The following DLG2 variants were observed in gnomAD, a reference collection of about 807,000 sequenced individuals.
DLG2 encodes discs large MAGUK scaffold protein 2, also known as disks large homolog 2.
DLG2 carries 45 observed loss-of-function variants against 132.5 expected under a neutral mutation model. The observed-to-expected ratio is 0.34, with a 90% CI of 0.27 to 0.44. The LOEUF is 0.44. Ranked by LOEUF, DLG2 falls within the 20% of genes least tolerant of loss-of-function variation. The pLI is 1.00. For missense variants in DLG2, 1,045 were observed against 1,196.9 expected, an observed-to-expected ratio of 0.87 and a Z score of 1.87; for synonymous variants, 424 against 419.6, an observed-to-expected ratio of 1.01 and a Z score of -0.13.
At chr11:85,189,029 A>C (rs763750844) in intron 4 of DLG2, among the ~76,000 whole-genome samples, 2 of 152,080 alleles carry the variant, frequency 1.3e-5, no homozygotes, top group Non-Finnish European at 2.9e-5. Flanking sequence ...AGCAATATCC[A>C]TCTAAATACA....
intron 7 of DLG2, among the ~76,000 whole-genome samples, chr11:84,396,408 ATTGTTT>A (rs1453175461): frequency 6.6e-6 from 1 of 152,328 alleles, no homozygotes; most frequent in South Asian, 2.1e-4. Context: ...ATATGGTGCA[ATTGTTT>A]TTGTTTTTGT....
intron 6 of DLG2, among the ~76,000 whole-genome samples, chr11:85,009,845 G>T (rs1480493787): frequency 6.6e-6 from 1 of 152,048 alleles, no homozygotes; most frequent in Non-Finnish European, 1.5e-5. Flanking sequence ...AATACATATT[G>T]CTTACCAGAT....
At chr11:84,299,316 T>C (rs1368382241) in intron 7 of DLG2, among the ~76,000 whole-genome samples, 1 of 152,212 alleles carries the variant, frequency 6.6e-6, no homozygotes, top group East Asian at 1.9e-4. Context: ...GGCAGCAATA[T>C]TCATAATGGA....
chr11:84,476,888 C>G (rs1351659501), intron 7 of DLG2, among the ~76,000 whole-genome samples: 1 of 152,154 alleles, frequency 6.6e-6, no homozygotes, highest in Non-Finnish European at 1.5e-5. Context: ...CATATCATCC[C>G]TGCTGTGTCT....
At chr11:83,845,632 C>T (rs1232393398) in intron 16 of DLG2, among the ~76,000 whole-genome samples, 1 of 152,122 alleles carries the variant, frequency 6.6e-6, no homozygotes, top group African/African-American at 2.4e-5. Context: ...CTGACTTCAG[C>T]AAAATAATAA....
rs961887489 is a variant in DLG2 at position 84,837,092 on chromosome 11, T to C, written c.357+274569A>G. Among the ~76,000 whole-genome samples, 8 of 151,946 alleles carry C rather than the reference T, an allele frequency of 5.3e-5. No homozygotes were observed. The Middle Eastern group carries it at 0.01, about 194-fold the overall frequency. ...GTTCTCATTGTTCAATTCCCACCTATGAGTGAGAACATATAACATATACTT... is the reference window on the plus strand; with the variant it reads ...GTTCTCATTGTTCAATTCCCACCTACGAGTGAGAACATATAACATATACTT... On this transcript the variant is annotated intron_variant, in intron 6 of 27. Coordinates refer to ENST00000376104, the MANE Select transcript of DLG2 (RefSeq NM_001142699.3).
At chr11:83,565,127 A>C (rs1345602215) in intron 19 of DLG2, among the ~76,000 whole-genome samples, 1 of 152,152 alleles carries the variant, frequency 6.6e-6, no homozygotes, top group Non-Finnish European at 1.5e-5. Flanking sequence ...GTATTTCTAT[A>C]ATTTGACTTT....
At chr11:84,868,114 T>G (rs982403614) in intron 6 of DLG2, among the ~76,000 whole-genome samples, 1 of 147,950 alleles carries the variant, frequency 6.8e-6, no homozygotes, top group Non-Finnish European at 1.5e-5. Context: ...TTATTATATA[T>G]TAATAATTAT....
chr11:84,270,840 G>A (rs539322178), intron 7 of DLG2, among the ~76,000 whole-genome samples: 21 of 152,250 alleles, frequency 1.4e-4, no homozygotes, highest in African/African-American at 4.8e-4. Context: ...ATTTAAAAGA[G>A]AACAAGGTTT....
At chr11:85,201,766 C>T (rs970517023) in intron 4 of DLG2, among the ~76,000 whole-genome samples, 1 of 152,156 alleles carries the variant, frequency 6.6e-6, no homozygotes, top group Non-Finnish European at 1.5e-5. Context: ...TAGAGACCAA[C>T]CCTAAAGTGA....
intron 3 of DLG2, among the ~76,000 whole-genome samples, chr11:85,423,681 T>C (rs1346874956): frequency 1.3e-5 from 2 of 152,108 alleles, no homozygotes; most frequent in Non-Finnish European, 2.9e-5. Context: ...CTGTCTCTAC[T>C]GTGCTATGCA....
At chr11:85,305,358 C>G (rs1219384122) in intron 3 of DLG2, among the ~76,000 whole-genome samples, 2 of 152,150 alleles carry the variant, frequency 1.3e-5, no homozygotes, top group Admixed American at 6.5e-5. Flanking sequence ...TTCTCTTTAC[C>G]ATAGCCTGTG....
chr11:83,986,302 A>G (rs2093304444), intron 11 of DLG2, among the ~76,000 whole-genome samples: 1 of 151,354 alleles, frequency 6.6e-6, no homozygotes, highest in Non-Finnish European at 1.5e-5. Flanking sequence ...GAGTGAGAAT[A>G]TGCGGCATTT....
At position 85,532,158 on chromosome 11, in the gene DLG2, G is replaced by A. The variant is rs1565645206; in HGVS notation, c.40+66499C>T. ...TCACTTACATAGTCCTCTACACTACGCAGTATATACAAAAGAAAAAGTGGT... is the reference window on the plus strand; with the variant it reads ...TCACTTACATAGTCCTCTACACTACACAGTATATACAAAAGAAAAAGTGGT... On this transcript the variant is annotated intron_variant, in intron 3 of 27. Transcript: ENST00000376104. Among the ~76,000 whole-genome samples, 4 of 152,010 alleles carry A rather than the reference G, an allele frequency of 2.6e-5. 1 individual carries two copies. Among genetic ancestry groups the A allele is most frequent in the South Asian group, 4.2e-4 (2 of 4,812 alleles).
At chr11:84,695,855 C>T (rs2058560230) in intron 6 of DLG2, among the ~76,000 whole-genome samples, 1 of 151,308 alleles carries the variant, frequency 6.6e-6, no homozygotes, top group East Asian at 1.9e-4. Flanking sequence ...ATTGACCTTA[C>T]CCTTAAGGAG....
chr11:85,536,519 G>A (rs998833284), intron 3 of DLG2, among the ~76,000 whole-genome samples: 1 of 152,248 alleles, frequency 6.6e-6, no homozygotes, highest in Admixed American at 6.5e-5. Context: ...TGCTCTGCCA[G>A]TGTTTGAGGA....
chr11:83,889,292 T>C (rs55772720), intron 15 of DLG2, among the ~76,000 whole-genome samples: 31,964 of 150,930 alleles, frequency 0.21, 3,523 homozygotes, highest in East Asian at 0.37. Context: ...AAAAAGTGGG[T>C]GAAGGACATG....
chr11:85,199,751 C>T (rs2081313787), intron 4 of DLG2, among the ~76,000 whole-genome samples: 1 of 152,002 alleles, frequency 6.6e-6, no homozygotes, highest in Admixed American at 6.6e-5. Flanking sequence ...GAGTTCTAAC[C>T]ATGACTTTAG....
At chr11:84,847,073 A>C (rs1041865035) in intron 6 of DLG2, among the ~76,000 whole-genome samples, 2 of 152,168 alleles carry the variant, frequency 1.3e-5, no homozygotes, top group Non-Finnish European at 2.9e-5. Context: ...GAAACATGAG[A>C]GAGAATAATA....
Sources: allele counts gnomAD v4.1 joint callset (sites outside exome capture counted in the v4.1 genomes callset), GRCh38; gene constraint gnomAD v4.1.1; transcripts MANE v1.5; gene names NCBI Gene and HGNC (gene_info 2026-07-23, HGNC 2026-07-21).